Variants in PTPRS observed in about 807,000 individuals in gnomAD.
PTPRS encodes the protein protein tyrosine phosphatase receptor type S.
Under a neutral mutation model 215.3 loss-of-function variants are expected in PTPRS, and 63 were observed. The ratio of observed to expected loss-of-function variants is 0.29; its 90% CI spans 0.24 to 0.36. The LOEUF (loss-of-function observed/expected upper bound fraction) is 0.36, where lower values mean the gene tolerates loss of function less well. PTPRS is among the 10% of genes least tolerant of loss of function. The pLI, the probability that PTPRS is intolerant of heterozygous loss-of-function variation, is 1.00. For missense variants in PTPRS, 2,258 were observed against 2,825.8 expected (o/e 0.80, Z 4.56); for synonymous variants, 1,404 against 1,191.4 (o/e 1.18, Z -3.68).
chr19:5,277,598 G>A (rs2047491993), intron 2 of PTPRS: 1 of 322,958 alleles, frequency 3.1e-6, no homozygotes, highest in South Asian at 3.0e-5. Context: ...GAAGCTTGCA[G>A]TGAGCCGAGA....
In PTPRS at chr19:5,338,938, G is replaced by A. The variant is rs1057441871; in HGVS notation, c.-95+1726C>T. Among the ~76,000 whole-genome samples, 1 of 152,212 alleles carries A rather than the reference G, an allele frequency of 6.6e-6. No homozygotes were observed. Among genetic ancestry groups the A allele is most frequent in the African/African-American group, 2.4e-5 (1 of 41,464 alleles). On this transcript the variant is annotated intron_variant, in intron 1 of 37. Transcript: ENST00000262963. This position sits in a 1 kb window ranked among gnomAD's most constrained non-coding sequence, Gnocchi z 4.2. ...CAGCAGCGATAGGGGGCCACCCAGAGGAGGCCAGAATCCCAGCAGCCAAAG... is the reference window on the plus strand; with the variant it reads ...CAGCAGCGATAGGGGGCCACCCAGAAGAGGCCAGAATCCCAGCAGCCAAAG...
chr19:5,270,598 C>T (rs761013531), intron 4 of PTPRS, among the ~76,000 whole-genome samples: 12 of 152,238 alleles, frequency 7.9e-5, no homozygotes, highest in South Asian at 2.1e-4. Flanking sequence ...GTGTGAGCCA[C>T]GGCATGTGGC....
chr19:5,284,482 G>A (rs780178880), intron 2 of PTPRS, among the ~76,000 whole-genome samples: 9 of 152,170 alleles, frequency 5.9e-5, no homozygotes, highest in African/African-American at 1.4e-4. Flanking sequence ...AGGCCAAGGC[G>A]CTTCAGCCCA....
chr19:5,250,057 AT>A (rs2044857136), intron 9 of PTPRS, among the ~76,000 whole-genome samples: 1 of 152,208 alleles, frequency 6.6e-6, no homozygotes, highest in African/African-American at 2.4e-5. Context: ...GTGGGAGGGC[AT>A]TTATCAACAG....
intron 1 of PTPRS, among the ~76,000 whole-genome samples, chr19:5,333,978 C>A (rs186055560): frequency 6.7e-6 from 1 of 149,210 alleles, no homozygotes; most frequent in Non-Finnish European, 1.5e-5. Flanking sequence ...CAAACTCCCC[C>A]CTTTGGTGAT....
chr19:5,246,577 T>A lies in PTPRS; in HGVS notation c.719-532A>T, dbSNP rs144894860. 2.0e-5 allele frequency among the ~76,000 whole-genome samples: 3 copies of A among 152,308 alleles called. No individual in the cohort carries two copies. In the East Asian group the frequency reaches 5.8e-4, roughly 29 times the overall value. On this transcript the variant is annotated intron_variant, in intron 9 of 37. Transcript: ENST00000262963. ...ATTCTGGCTGCCAAGTTTCGGGATG[T>A]GAGTGGGTTAGGAGAGGGGGCAACT...
At chr19:5,236,849 G>GAAAAA (rs1555768237) in intron 13 of PTPRS, among the ~76,000 whole-genome samples, 1 of 128,254 alleles carries the variant, frequency 7.8e-6, no homozygotes, top group African/African-American at 3.1e-5. Context: ...GGAGCAGGGG[G>GAAAAA]AAAAAAAAAA....
At chr19:5,209,753 T>C (rs1231774668) in intron 35 of PTPRS, among the ~76,000 whole-genome samples, 1 of 152,230 alleles carries the variant, frequency 6.6e-6, no homozygotes, top group African/African-American at 2.4e-5. Context: ...GTTATGCGAA[T>C]GTTCTTCTCT....
chr19:5,235,520 C>T (rs536464762), intron 13 of PTPRS, among the ~76,000 whole-genome samples: 1 of 152,358 alleles, frequency 6.6e-6, no homozygotes, highest in Non-Finnish European at 1.5e-5. Flanking sequence ...CTACGTGCCT[C>T]ACACTTAGGC....
chr19:5,267,105 C>CA (rs2046458466), intron 4 of PTPRS, among the ~76,000 whole-genome samples: 1 of 152,112 alleles, frequency 6.6e-6, no homozygotes, highest in South Asian at 2.1e-4. Context: ...CTCAATCCTC[C>CA]AGCACCAGGT....
At chr19:5,220,453 C>T (rs1212001421) in intron 20 of PTPRS, 100 bp from the exon 21 acceptor site, 4 of 998,968 alleles carry the variant, frequency 4.0e-6, no homozygotes, top group Non-Finnish European at 6.1e-6. Context: ...TGAGTCTTCC[C>T]TTCTGTTCAT....
chr19:5,212,429 G>C lies in PTPRS; in HGVS notation c.4677C>G (p.Gly1559=), dbSNP rs377071281. 6.2e-7 allele frequency: 1 copy of C among 1,600,850 alleles called. No individual in the cohort carries two copies. The highest frequency in any genetic ancestry group is 1.7e-5 in the Admixed American group (1 of 57,984). The change falls in exon 31 of 38, where the codon GGC becomes GGG. Residue 1559 remains glycine (G), a synonymous_variant. Transcript: ENST00000262963. ...QFQFTAWPDH[G]VPEYPTPFLA... ...GGAAGGGCGTTGGGTATTCGGGCAC[G>C]CCATGGTCCGGCCACGCCGTAAACT...
At chr19:5,325,716 C>A (rs750547476) in intron 1 of PTPRS, among the ~76,000 whole-genome samples, 1 of 152,248 alleles carries the variant, frequency 6.6e-6, no homozygotes, top group Non-Finnish European at 1.5e-5. Flanking sequence ...CTCCTTCCTG[C>A]CTGCCGAGGA....
chr19:5,309,045 G>A (rs1252013110), intron 1 of PTPRS, among the ~76,000 whole-genome samples: 1 of 152,146 alleles, frequency 6.6e-6, no homozygotes, highest in Non-Finnish European at 1.5e-5. Context: ...TAGGCCCTGG[G>A]CTCAGAGTGT....
At chr19:5,309,932 C>G (rs1303502767) in intron 1 of PTPRS, among the ~76,000 whole-genome samples, 1 of 152,204 alleles carries the variant, frequency 6.6e-6, no homozygotes, top group African/African-American at 2.4e-5. Context: ...TCGGTCAGGG[C>G]TGGTTCCTCC....
intron 22 of PTPRS, 77 bp downstream of exon 22, chr19:5,219,862 G>A: frequency 6.7e-7 from 1 of 1,501,010 alleles, no homozygotes; most frequent in Non-Finnish European, 9.1e-7. Flanking sequence ...TGACCACAGA[G>A]GTCAGGGCCC....
In PTPRS at chr19:5,338,842, G is replaced by A. The variant is rs931123622; in HGVS notation, c.-95+1822C>T. On this transcript the variant is annotated intron_variant, in intron 1 of 37. Coordinates refer to ENST00000262963, the MANE Select transcript of PTPRS (RefSeq NM_002850.4). This position sits in a 1 kb window ranked among gnomAD's most constrained non-coding sequence, Gnocchi z 4.2. ...GCGGGATGGCTTCCTTCTCCCGGGCGAAAGGCGGCAGAAAGAGGGAAGAAG... is the reference window on the plus strand; with the variant it reads ...GCGGGATGGCTTCCTTCTCCCGGGCAAAAGGCGGCAGAAAGAGGGAAGAAG... Among the ~76,000 whole-genome samples the A allele has an allele frequency of 6.6e-6, 1 of 152,198 alleles. No individual in the cohort carries two copies. Among genetic ancestry groups the A allele is most frequent in the African/African-American group, 2.4e-5 (1 of 41,444 alleles).
At chr19:5,236,010 G>A (rs953085217) in intron 13 of PTPRS, among the ~76,000 whole-genome samples, 35 of 152,212 alleles carry the variant, frequency 2.3e-4, no homozygotes, top group Admixed American at 6.5e-5. Flanking sequence ...TTTAACGCAT[G>A]TATCATCTCA....
In PTPRS at chr19:5,229,671, C is replaced by T. The variant is rs2042848300; in HGVS notation, c.2169G>A (p.Pro723=). The T allele has an allele frequency of 3.9e-6, 4 of 1,033,460 alleles. No individual in the cohort carries two copies. Among genetic ancestry groups the T allele is most frequent in the Middle Eastern group, 3.8e-4 (1 of 2,646 alleles). The allele number at this position is 1,033,460 out of a possible 1,614,324, so 64.0% of individuals were successfully genotyped here. A position where few individuals can be genotyped will look rare whatever the true frequency, so the allele number is the denominator to read the frequency against. The part of the protein sequence containing the change: ...VRTDEDVPSA[P]PRKVEAEALN... ...GCGCCTCCGCCTCCACCTTCCGCGG[C>T]GGCGCGCTGGGCACTGGCGGGCGGG... Residue 723 remains proline, a synonymous_variant, in exon 15 of 38, where the codon CCG becomes CCA. Transcript: ENST00000262963.
Sources: gnomAD v4.1 joint callset for allele counts (sites outside exome capture counted in the v4.1 genomes callset) on GRCh38, gnomAD v4.1.1 for gene constraint, Gnocchi (gnomAD v3.1) non-coding constraint, MANE v1.5 for transcripts, NCBI Gene and HGNC (gene_info 2026-07-23, HGNC 2026-07-21) for gene names.